HDAC9: variants seen among roughly 807,000 people sequenced by gnomAD.
HDAC9 encodes the protein histone deacetylase 9.
A neutral mutation model predicts 139.4 loss-of-function variants in HDAC9; 41 were observed. That is an observed-to-expected ratio of 0.29 (90% CI 0.23 to 0.38). The LOEUF (loss-of-function observed/expected upper bound fraction) is 0.38. Ranked by LOEUF, HDAC9 falls within the 10% of genes least tolerant of loss-of-function variation. The pLI is 1.00. For missense variants in HDAC9, 1,147 were observed against 1,297.0 expected (o/e 0.88, Z 1.78); for synonymous variants, 517 against 476.2 (o/e 1.09, Z -1.12).
intron 22 of HDAC9, among the ~76,000 whole-genome samples, chr7:18,894,355 A>G (rs369238018): frequency 6.6e-6 from 1 of 152,146 alleles, no homozygotes; most frequent in Non-Finnish European, 1.5e-5. Flanking sequence ...AGGGGGAGCC[A>G]TATGAAGCCT....
intron 12 of HDAC9, among the ~76,000 whole-genome samples, chr7:18,673,299 A>G (rs801528): frequency 0.026 from 3,967 of 152,030 alleles, 194 homozygotes; most frequent in African/African-American, 0.091. Flanking sequence ...ATGTCGAACT[A>G]ATGTTCATGT....
At chr7:18,369,472 CT>C (rs969587075) in intron 1 of HDAC9, among the ~76,000 whole-genome samples, 6 of 151,688 alleles carry the variant, frequency 4.0e-5, no homozygotes, top group African/African-American at 1.4e-4. Flanking sequence ...TTTCTTTTTC[CT>C]TTTTTTCTTT....
chr7:18,721,827 G>A (rs1179235269), intron 12 of HDAC9, among the ~76,000 whole-genome samples: 3 of 152,030 alleles, frequency 2.0e-5, no homozygotes, highest in Admixed American at 6.6e-5. Context: ...TTAGCACTTC[G>A]TAGTCTCCAT....
intron 4 of HDAC9, 60 bp from the exon 5 acceptor site, chr7:18,591,456 C>G: frequency 6.8e-7 from 1 of 1,480,568 alleles, no homozygotes; most frequent in Non-Finnish European, 9.0e-7. Context: ...TCACCATCAA[C>G]ATCTGTTTCT....
At chr7:18,911,457 A>G (rs1013126983) in intron 22 of HDAC9, among the ~76,000 whole-genome samples, 1 of 151,282 alleles carries the variant, frequency 6.6e-6, no homozygotes, top group Non-Finnish European at 1.5e-5. Flanking sequence ...TTTATCTTTT[A>G]TTTTTAAAAA....
intron 13 of HDAC9, among the ~76,000 whole-genome samples, chr7:18,728,712 G>A (rs1320778744): frequency 1.3e-5 from 2 of 152,036 alleles, no homozygotes; most frequent in African/African-American, 4.8e-5. Context: ...TGGCTTCTGT[G>A]ACCTCATGCA....
At chr7:18,534,416 G>C (rs1810164260) in intron 2 of HDAC9, among the ~76,000 whole-genome samples, 1 of 151,994 alleles carries the variant, frequency 6.6e-6, no homozygotes, top group Non-Finnish European at 1.5e-5. Flanking sequence ...GCATGGCAGT[G>C]CATGCCTGTA....
chr7:18,391,817 G>A (rs2061051442), intron 1 of HDAC9, among the ~76,000 whole-genome samples: 1 of 152,170 alleles, frequency 6.6e-6, no homozygotes, highest in Admixed American at 6.5e-5. Flanking sequence ...TCTGTCAAAT[G>A]AGGGCAATAG....
chr7:18,779,594 G>A (rs1791071140), intron 16 of HDAC9, among the ~76,000 whole-genome samples: 1 of 151,996 alleles, frequency 6.6e-6, no homozygotes, highest in South Asian at 2.1e-4. Context: ...GCAATGCAAA[G>A]GCTCTGTTAA....
intron 1 of HDAC9, among the ~76,000 whole-genome samples, chr7:18,423,648 G>C (rs1451536824): frequency 6.6e-6 from 1 of 152,214 alleles, no homozygotes; most frequent in East Asian, 1.9e-4. Flanking sequence ...ACAGGCCTAA[G>C]GTGGCCTTTC....
intron 13 of HDAC9, among the ~76,000 whole-genome samples, chr7:18,746,659 C>T (rs549704612): frequency 3.9e-5 from 6 of 152,134 alleles, no homozygotes; most frequent in African/African-American, 1.4e-4. Context: ...GTGGAAATAT[C>T]TGACCTATTT....
chr7:18,178,862 T>C (rs1196088314), intron 2 of HDAC9, among the ~76,000 whole-genome samples: 1 of 152,246 alleles, frequency 6.6e-6, no homozygotes, highest in African/African-American at 2.4e-5. Flanking sequence ...CTTTTCAATC[T>C]GTATACATTT....
chr7:18,285,909 ATCTC>A (rs1797417335), upstream of HDAC9, among the ~76,000 whole-genome samples: 1 of 152,142 alleles, frequency 6.6e-6, no homozygotes, highest in Non-Finnish European at 1.5e-5. Flanking sequence ...TTTGGGATGC[ATCTC>A]AGAAAAACAT....
In HDAC9 at chr7:18,760,623, A is replaced by G. The variant is rs569057025; in HGVS notation, c.2044-1534A>G. ...ATAGCATCAAAAACAGAGAACTTCAATGATATACAAAGAAAGTTCCATAAG... is the reference window on the plus strand; with the variant it reads ...ATAGCATCAAAAACAGAGAACTTCAGTGATATACAAAGAAAGTTCCATAAG... On this transcript the variant is annotated intron_variant, in intron 14 of 25. Coordinates refer to ENST00000686413, the MANE Select transcript of HDAC9 (RefSeq NM_178425.4). Among the ~76,000 whole-genome samples the G allele has an allele frequency of 3.3e-5, 5 of 152,356 alleles. No homozygotes were observed. In the South Asian group the frequency reaches 1.0e-3, roughly 32 times the overall value.
chr7:18,972,319 A>G (rs1014040707), intron 24 of HDAC9, among the ~76,000 whole-genome samples: 1 of 147,268 alleles, frequency 6.8e-6, no homozygotes, highest in Admixed American at 6.8e-5. Context: ...TTAGTGTGGG[A>G]TCTCCAAGCT....
chr7:18,939,583 T>C (rs575595079), intron 23 of HDAC9, among the ~76,000 whole-genome samples: 1 of 152,310 alleles, frequency 6.6e-6, no homozygotes, highest in African/African-American at 2.4e-5. Context: ...TCATTATGAC[T>C]ACACTGAAGT....
intron 2 of HDAC9, among the ~76,000 whole-genome samples, chr7:18,564,922 A>G (rs1821788541): frequency 6.6e-6 from 1 of 151,846 alleles, no homozygotes; most frequent in African/African-American, 2.4e-5. Context: ...AGGCTCTTTC[A>G]TATTTCAAAT....
chr7:18,331,978 A>C (rs1375656879), intron 1 of HDAC9, among the ~76,000 whole-genome samples: 1 of 151,634 alleles, frequency 6.6e-6, no homozygotes, highest in East Asian at 1.9e-4. Context: ...TTAGATGCTC[A>C]GGTTCCAGAG....
At chr7:18,440,404 C>T (rs970816267) in intron 1 of HDAC9, among the ~76,000 whole-genome samples, 2 of 151,930 alleles carry the variant, frequency 1.3e-5, no homozygotes, top group East Asian at 1.9e-4. Context: ...AGGCTGGTCT[C>T]GAACCCCTGA....
Sources: gnomAD v4.1 joint callset for allele counts (sites outside exome capture counted in the v4.1 genomes callset) on GRCh38, gnomAD v4.1.1 for gene constraint, MANE v1.5 for transcripts, NCBI Gene and HGNC (gene_info 2026-07-23, HGNC 2026-07-21) for gene names.